Variants in COL19A1 observed in about 807,000 individuals in gnomAD.
The protein encoded by COL19A1 is collagen alpha-1(XIX) chain.
Under a neutral mutation model 190.2 loss-of-function variants are expected in COL19A1, and 159 were observed. The observed-to-expected ratio is 0.84, with a 90% CI of 0.73 to 0.95. COL19A1 has a LOEUF of 0.95. COL19A1 is among the 40% of genes least tolerant of loss of function. The pLI is 0.00. For synonymous variants in COL19A1, 509 were observed against 458.9 expected (o/e 1.11, Z -1.39); for missense variants, 1,418 against 1,431.9 (o/e 0.99, Z 0.16).
intron 14 of COL19A1, among the ~76,000 whole-genome samples, chr6:70,053,136 G>T (rs1780300857): frequency 1.3e-5 from 2 of 152,112 alleles, no homozygotes; most frequent in South Asian, 4.1e-4. Flanking sequence ...AAACATGGAA[G>T]TCTTTTTGTA....
chr6:69,910,487 A>T (rs1582366747), intron 4 of COL19A1, among the ~76,000 whole-genome samples: 1 of 152,184 alleles, frequency 6.6e-6, no homozygotes, highest in South Asian at 2.1e-4. Context: ...GACTAATTAC[A>T]TGTAAATTAT....
At chr6:70,003,398 G>C (rs946999928) in intron 11 of COL19A1, among the ~76,000 whole-genome samples, 1 of 152,190 alleles carries the variant, frequency 6.6e-6, no homozygotes, top group Non-Finnish European at 1.5e-5. Context: ...ACTTGATCCA[G>C]AGCTGAGTTC....
At chr6:69,873,768 A>G (rs1767973941) in intron 1 of COL19A1, among the ~76,000 whole-genome samples, 1 of 152,190 alleles carries the variant, frequency 6.6e-6, no homozygotes, top group African/African-American at 2.4e-5. Context: ...CTAACACAGG[A>G]AATTTGGGCA....
intron 49 of COL19A1, among the ~76,000 whole-genome samples, chr6:70,201,624 T>C (rs1183300340): frequency 6.6e-6 from 1 of 152,252 alleles, no homozygotes; most frequent in Non-Finnish European, 1.5e-5. Flanking sequence ...ATATCTTGAC[T>C]ACAACTTAGT....
intron 13 of COL19A1, among the ~76,000 whole-genome samples, chr6:70,035,257 C>T (rs1779289637): frequency 6.6e-6 from 1 of 152,100 alleles, no homozygotes; most frequent in Admixed American, 6.5e-5. Flanking sequence ...ATGAAGGTGA[C>T]ATAGAAATTG....
chr6:69,873,748 G>C (rs1193269465), intron 1 of COL19A1, among the ~76,000 whole-genome samples: 1 of 152,090 alleles, frequency 6.6e-6, no homozygotes, highest in Non-Finnish European at 1.5e-5. Context: ...TGACATTGGG[G>C]ATTAAGTTTC....
At chr6:70,090,193 T>A (rs1256275614) in intron 15 of COL19A1, among the ~76,000 whole-genome samples, 2 of 151,888 alleles carry the variant, frequency 1.3e-5, no homozygotes, top group Non-Finnish European at 2.9e-5. Flanking sequence ...AAAAAAAGAT[T>A]TGCACATGGA....
intron 14 of COL19A1, among the ~76,000 whole-genome samples, chr6:70,046,333 C>T (rs972369737): frequency 5.3e-5 from 8 of 151,498 alleles, no homozygotes; most frequent in Admixed American, 2.6e-4. Flanking sequence ...TGTTCCTTGT[C>T]ACTCTTCTTT....
Position 70,049,295 on chromosome 6 carries a change from A to T in COL19A1, c.1170+13356A>T, listed in dbSNP as rs183531813. On this transcript the variant is annotated intron_variant, in intron 14 of 50. Transcript: ENST00000620364. The stretch of plus-strand genomic sequence containing the variant: ...AGAAAGAAGGCAGTTGAAATATTTT[A>T]AAAAATCAATCCTTTTTTTTATTTG... 3.6e-3 allele frequency among the ~76,000 whole-genome samples: 546 copies of T among 152,102 alleles called. 6 individuals carry two copies. The highest frequency in any genetic ancestry group is 6.8e-3 in the Middle Eastern group (2 of 294).
chr6:69,968,499 C>G (rs574334783), intron 11 of COL19A1, among the ~76,000 whole-genome samples: 2 of 152,054 alleles, frequency 1.3e-5, no homozygotes, highest in Non-Finnish European at 2.9e-5. Context: ...TATTTTTATA[C>G]TAGTACCACA....
chr6:69,879,764 A>G, intron 2 of COL19A1, 106 bp downstream of exon 2: 1 of 945,258 alleles, frequency 1.1e-6, no homozygotes, highest in Non-Finnish European at 1.6e-6. Context: ...AATGTACTAT[A>G]ACAGAATAAA....
At chr6:70,059,775 T>C in intron 14 of COL19A1, 1 of 527,726 alleles carries the variant, frequency 1.9e-6, no homozygotes, top group South Asian at 1.4e-5. Context: ...CTAAATCCAA[T>C]CTCAAATGTC....
At position 70,207,734 on chromosome 6, in the gene COL19A1, T is replaced by A. The variant is rs531750217; in HGVS notation, c.*460T>A. On this transcript the variant is annotated 3_prime_UTR_variant, in exon 51 of 51. Transcript: ENST00000620364. ...AAACATCTCGTCAACTTTTTTGATA[T>A]AGTGCATTGCTCCTGTTGAATGTTT... The A allele has an allele frequency of 6.6e-6, 1 of 152,456 alleles. No individual in the cohort carries two copies. Among genetic ancestry groups the A allele is most frequent in the Non-Finnish European group, 1.5e-5 (1 of 68,228 alleles). The allele number at this position is 152,456 out of a possible 1,614,324, so 9.4% of individuals were successfully genotyped here. A position where few individuals can be genotyped will look rare whatever the true frequency, so the allele number is the denominator to read the frequency against.
chr6:70,020,614 T>A (rs1038262120), intron 11 of COL19A1, among the ~76,000 whole-genome samples: 1 of 152,162 alleles, frequency 6.6e-6, no homozygotes, highest in African/African-American at 2.4e-5. Context: ...ATGCTATATA[T>A]CAGTGGTTCT....
At chr6:70,150,874 A>G (rs1365871555) in intron 30 of COL19A1, among the ~76,000 whole-genome samples, 8 of 152,144 alleles carry the variant, frequency 5.3e-5, no homozygotes, top group African/African-American at 1.9e-4. Flanking sequence ...ACATCTCAAG[A>G]CGTGTGGCCA....
intron 15 of COL19A1, among the ~76,000 whole-genome samples, chr6:70,085,786 A>G (rs1025170563): frequency 6.6e-6 from 1 of 152,148 alleles, no homozygotes; most frequent in Non-Finnish European, 1.5e-5. Flanking sequence ...TACCTGGATC[A>G]CTAGACCCAA....
chr6:70,141,764 T>C (rs978599948), intron 20 of COL19A1, 129 bp from the exon 21 acceptor site: 3 of 641,218 alleles, frequency 4.7e-6, no homozygotes, highest in Non-Finnish European at 8.3e-6. Flanking sequence ...CTCTCCTTGA[T>C]TTTATTGTGT....
intron 4 of COL19A1, among the ~76,000 whole-genome samples, chr6:69,909,686 G>A (rs1770782640): frequency 6.6e-6 from 1 of 152,050 alleles, no homozygotes; most frequent in Non-Finnish European, 1.5e-5. Context: ...TATCCAAGGT[G>A]GCAGGCAGTT....
In COL19A1 at chr6:70,079,217, G is replaced by A. The variant is rs752275311; in HGVS notation, c.1224+10741G>A. 1.1e-4 allele frequency among the ~76,000 whole-genome samples: 17 copies of A among 152,192 alleles called. 1 individual carries two copies. The highest frequency in any genetic ancestry group is 2.7e-4 in the African/African-American group (11 of 41,454). ...TTAAGTTTCAGAAGTGATTGCTGAC[G>A]TATCAAGTCTGAAATGATAGTGCCT... is the stretch of plus-strand genomic sequence containing the variant. On this transcript the variant is annotated intron_variant, in intron 15 of 50. Coordinates refer to ENST00000620364, the MANE Select transcript of COL19A1 (RefSeq NM_001858.6).
Sources: gnomAD v4.1 joint callset for allele counts (sites outside exome capture counted in the v4.1 genomes callset) on GRCh38, gnomAD v4.1.1 for gene constraint, MANE v1.5 for transcripts, NCBI Gene and HGNC (gene_info 2026-07-23, HGNC 2026-07-21) for gene names.